The following PDE1A variants were observed in gnomAD, a reference collection of about 807,000 sequenced individuals.
The protein encoded by PDE1A is dual specificity calcium/calmodulin-dependent 3',5'-cyclic nucleotide phosphodiesterase 1A.
In PDE1A, 35 loss-of-function variants were observed where a neutral mutation model predicts 61.7. The ratio of observed to expected loss-of-function variants is 0.57; its 90% confidence interval spans 0.43 to 0.75. The LOEUF (loss-of-function observed/expected upper bound fraction) is 0.75. PDE1A is among the 30% of genes least tolerant of loss of function. PDE1A has a pLI of 0.00. For missense variants in PDE1A, 597 were observed against 630.6 expected, an observed-to-expected ratio of 0.95 and a Z score of 0.57; for synonymous variants, 232 against 213.2, an observed-to-expected ratio of 1.09 and a Z score of -0.77.
chr2:182,367,489 A>C (rs777866746), intron 1 of PDE1A, among the ~76,000 whole-genome samples: 71 of 152,184 alleles, frequency 4.7e-4, no homozygotes, highest in Non-Finnish European at 8.5e-4. Flanking sequence ...CACTCTAATG[A>C]ATTTTAAAAT....
At position 182,264,419 on chromosome 2, in the gene PDE1A, T is replaced by C. The variant is rs370538110; in HGVS notation, c.54-5A>G. ...TGCTTCACCAAGCATCTTAGTCTAT[T>C]TCAAAAAAGTAGCCAAAGAGAGAAA... is the stretch of plus-strand genomic sequence containing the variant. On this transcript the variant is annotated splice_polypyrimidine_tract_variant and splice_region_variant and intron_variant, in intron 1 of 13. Transcript: ENST00000351439. 2 of 1,603,396 alleles carry C rather than the reference T, an allele frequency of 1.2e-6. No individual in the cohort carries two copies. The highest frequency in any genetic ancestry group is 2.7e-5 in the African/African-American group (2 of 74,600).
At chr2:182,328,591 T>C (rs1000663985) in intron 1 of PDE1A, among the ~76,000 whole-genome samples, 1 of 152,118 alleles carries the variant, frequency 6.6e-6, no homozygotes, top group African/African-American at 2.4e-5. Context: ...AAGGACGAGA[T>C]GCAACTTGAA....
the PDE1A span, among the ~76,000 whole-genome samples, chr2:182,596,075 GCAA>G: frequency 6.6e-5 from 10 of 152,194 alleles, no homozygotes; most frequent in Non-Finnish European, 1.2e-4. Flanking sequence ...AGCTAAAACA[GCAA>G]CAACAACAAC....
chr2:182,603,902 T>C, the PDE1A span, among the ~76,000 whole-genome samples: 11 of 152,290 alleles, frequency 7.2e-5, no homozygotes, highest in African/African-American at 2.6e-4. Context: ...AGAGTGATGT[T>C]TAGATTCCTC....
intron 2 of PDE1A, among the ~76,000 whole-genome samples, chr2:182,460,701 G>C (rs1686226922): frequency 6.6e-6 from 1 of 152,126 alleles, no homozygotes; most frequent in Admixed American, 6.6e-5. Context: ...AAAGAATAGA[G>C]CCTCTAATGT....
intron 11 of PDE1A, 89 bp downstream of exon 11, chr2:182,188,890 C>A (rs1326084390): frequency 3.8e-6 from 3 of 797,188 alleles, no homozygotes; most frequent in Admixed American, 2.1e-5. Context: ...GGTTTTCATG[C>A]AAGTTACCCC....
intron 1 of PDE1A, among the ~76,000 whole-genome samples, chr2:182,364,825 A>G (rs1371378403): frequency 6.6e-6 from 1 of 152,020 alleles, no homozygotes; most frequent in East Asian, 1.9e-4. Flanking sequence ...CAGTTAATAC[A>G]ATGACATTTT....
At chr2:182,364,329 T>C (rs1699687526) in intron 1 of PDE1A, among the ~76,000 whole-genome samples, 2 of 151,692 alleles carry the variant, frequency 1.3e-5, no homozygotes, top group South Asian at 4.2e-4. Flanking sequence ...TAATTTCATA[T>C]CTTCTCCTTT....
intron 1 of PDE1A, among the ~76,000 whole-genome samples, chr2:182,353,337 T>G (rs183104792): frequency 6.6e-5 from 10 of 152,300 alleles, no homozygotes; most frequent in African/African-American, 2.2e-4. Context: ...ACTTATGAAA[T>G]GCAAATGTAG....
chr2:182,355,188 C>T (rs974480262), intron 1 of PDE1A, among the ~76,000 whole-genome samples: 1 of 151,830 alleles, frequency 6.6e-6, no homozygotes, highest in Non-Finnish European at 1.5e-5. Context: ...TGTAAATATT[C>T]TATTGCCAGT....
intron 1 of PDE1A, among the ~76,000 whole-genome samples, chr2:182,381,692 A>G (rs1235846470): frequency 6.6e-6 from 1 of 151,990 alleles, no homozygotes; most frequent in Admixed American, 6.6e-5. Context: ...CATGCCTATA[A>G]TCTCAGCTAC....
chr2:182,468,813 T>G (rs1004627589), intron 2 of PDE1A, among the ~76,000 whole-genome samples: 1 of 152,022 alleles, frequency 6.6e-6, no homozygotes, highest in Non-Finnish European at 1.5e-5. Context: ...GGATGTTGTA[T>G]GAGCAGGCAT....
At chr2:182,513,951 C>T (rs1427503752) in intron 2 of PDE1A, among the ~76,000 whole-genome samples, 3 of 152,302 alleles carry the variant, frequency 2.0e-5, no homozygotes, top group Admixed American at 1.3e-4. Context: ...AAAACAAGTG[C>T]TTAGAGACCT....
At chr2:182,176,487 G>C (rs963496478) in intron 13 of PDE1A, among the ~76,000 whole-genome samples, 6 of 139,604 alleles carry the variant, frequency 4.3e-5, no homozygotes, top group African/African-American at 1.7e-4. Context: ...CTCTCTGTTT[G>C]TCTGTTGTTG....
At chr2:182,675,094 C>T in the PDE1A span, among the ~76,000 whole-genome samples, 2 of 151,930 alleles carry the variant, frequency 1.3e-5, no homozygotes, top group African/African-American at 2.4e-5. Context: ...TTTTCTGCTC[C>T]TCTCCCTCCT....
chr2:182,434,186 AT>A lies in PDE1A; in HGVS notation c.101+88089del, dbSNP rs1704095039. On this transcript the variant is annotated intron_variant, in intron 2 of 14. Transcript: ENST00000410103. ...CCTAGTCAAGTTATACCAAAAATAT[AT>A]TTTTTCTCATATATGTGACTGTAAG... 2.0e-5 allele frequency among the ~76,000 whole-genome samples: 3 copies of A among 152,030 alleles called. No homozygotes were observed. In the South Asian group the frequency reaches 6.2e-4, roughly 32 times the overall value.
At chr2:182,380,647 G>A (rs969303594) in intron 1 of PDE1A, among the ~76,000 whole-genome samples, 17 of 152,208 alleles carry the variant, frequency 1.1e-4, no homozygotes, top group Non-Finnish European at 2.5e-4. Context: ...TATAATTTTT[G>A]TCCTTAACTG....
At chr2:182,421,318 G>A (rs1246218170) in intron 1 of PDE1A, among the ~76,000 whole-genome samples, 4 of 152,084 alleles carry the variant, frequency 2.6e-5, no homozygotes, top group South Asian at 2.1e-4. Flanking sequence ...CTGAGAAAAC[G>A]ACATTTGTGT....
chr2:182,501,303 G>A (rs531002690), intron 2 of PDE1A, among the ~76,000 whole-genome samples: 125 of 152,254 alleles, frequency 8.2e-4, no homozygotes, highest in African/African-American at 3.0e-3. Context: ...ACACCACAAA[G>A]AATAAAGCTC....
Sources: gnomAD v4.1 joint callset for allele counts (sites outside exome capture counted in the v4.1 genomes callset) on GRCh38, gnomAD v4.1.1 for gene constraint, MANE v1.5 for transcripts, NCBI Gene and HGNC (gene_info 2026-07-23, HGNC 2026-07-21) for gene names.